Variants in FAM193A observed in about 807,000 individuals in gnomAD.
FAM193A encodes the protein protein FAM193A.
In FAM193A, 22 loss-of-function variants were observed where a neutral mutation model predicts 126.5. The observed-to-expected ratio is 0.17, with a 90% CI of 0.12 to 0.25. The LOEUF is 0.25. Among genes scored for constraint, FAM193A ranks in the 10% least tolerant of loss-of-function variants. The pLI, the probability that FAM193A is intolerant of heterozygous loss-of-function variation, is 1.00. For missense variants in FAM193A, 1,675 were observed against 1,672.8 expected, an observed-to-expected ratio of 1.00 and a Z score of -0.02; for synonymous variants, 761 against 646.8, an observed-to-expected ratio of 1.18 and a Z score of -2.68.
At chr4:2,653,958 A>G (rs1745921528) in intron 7 of FAM193A, among the ~76,000 whole-genome samples, 2 of 152,200 alleles carry the variant, frequency 1.3e-5, no homozygotes, top group South Asian at 2.1e-4. Context: ...TCAGTATGTC[A>G]GCAGGGCTAT....
intron 13 of FAM193A, among the ~76,000 whole-genome samples, chr4:2,680,971 T>G (rs958169234): frequency 1.4e-4 from 21 of 152,254 alleles, no homozygotes; most frequent in Admixed American, 3.3e-4. Flanking sequence ...ATACCTTTTA[T>G]GTTTTTTTCT....
intron 1 of FAM193A, among the ~76,000 whole-genome samples, chr4:2,545,584 T>C (rs1003394194): frequency 5.9e-5 from 9 of 152,188 alleles, no homozygotes; most frequent in Non-Finnish European, 1.0e-4. Flanking sequence ...TTGCTGGGTG[T>C]ACTTCGATTT....
chr4:2,620,721 C>T (rs1742489621), intron 2 of FAM193A, among the ~76,000 whole-genome samples: 1 of 143,146 alleles, frequency 7.0e-6, no homozygotes, highest in African/African-American at 2.5e-5. Flanking sequence ...TGGTGGTGGG[C>T]TCCCGTAATC....
chr4:2,562,921 C>G (rs1015164239), intron 1 of FAM193A, among the ~76,000 whole-genome samples: 3 of 151,600 alleles, frequency 2.0e-5, no homozygotes. Context: ...AGCCACCACA[C>G]CTGGCGATTT....
intron 1 of FAM193A, among the ~76,000 whole-genome samples, chr4:2,549,405 T>TG (rs985296956): frequency 7.0e-6 from 1 of 141,984 alleles, no homozygotes; most frequent in African/African-American, 2.6e-5. Flanking sequence ...CTTTTTTTTT[T>TG]TTTTTTTTTG....
chr4:2,717,364 A>C (rs1378873461), intron 20 of FAM193A, among the ~76,000 whole-genome samples: 1 of 152,140 alleles, frequency 6.6e-6, no homozygotes, highest in Non-Finnish European at 1.5e-5. Flanking sequence ...AGGCCAAGAC[A>C]GGCAGATCAC....
At chr4:2,669,634 G>A (rs1276002274) in intron 12 of FAM193A, among the ~76,000 whole-genome samples, 1 of 152,142 alleles carries the variant, frequency 6.6e-6, no homozygotes, top group African/African-American at 2.4e-5. Flanking sequence ...ATAATAAATA[G>A]AGTGGTTGTT....
chr4:2,552,135 C>T (rs751778228), intron 1 of FAM193A, among the ~76,000 whole-genome samples: 83 of 151,794 alleles, frequency 5.5e-4, no homozygotes, highest in Non-Finnish European at 5.6e-4. Context: ...CCTCAGCCTC[C>T]GGAGTAGCTG....
Position 2,701,806 on chromosome 4 carries a change from C to T in FAM193A, c.4372+1262C>T, listed in dbSNP as rs529771618. 5.6e-5 allele frequency among the ~76,000 whole-genome samples: 8 copies of T among 141,738 alleles called. No homozygotes were observed. The South Asian group carries it at 8.8e-4, about 16-fold the overall frequency. The allele number at this position is 141,738 out of a possible 152,430, so 93.0% of individuals were successfully genotyped here. ...TTTTTTTTTTTTTGAGATGGAGTTT[C>T]GCTCTTGTTGTCCAGGCTGGAGTGC... On this transcript the variant is annotated intron_variant, in intron 19 of 20. Coordinates refer to ENST00000637812, the MANE Select transcript of FAM193A (RefSeq NM_001366318.2).
At chr4:2,690,288 T>C (rs1716218066) in intron 14 of FAM193A, among the ~76,000 whole-genome samples, 2 of 152,186 alleles carry the variant, frequency 1.3e-5, no homozygotes, top group Non-Finnish European at 2.9e-5. Context: ...CCAGAGCTCC[T>C]GGCAGCCCCA....
rs535563673 is a variant in FAM193A, at chr4:2,627,080, C to G, written c.803+503C>G. ...TTCTCATGATGCCGCAGCCGTTCTT[C>G]AGCAGATACCTTATGCTCAGTAACC... On this transcript the variant is annotated intron_variant, in intron 4 of 20. Coordinates refer to ENST00000637812, the MANE Select transcript of FAM193A (RefSeq NM_001366318.2). Among the ~76,000 whole-genome samples, 8 of 151,984 alleles carry G rather than the reference C, an allele frequency of 5.3e-5. No homozygotes were observed. In the East Asian group the frequency reaches 1.5e-3, roughly 29 times the overall value.
At chr4:2,667,136 G>A (rs1713209775) in intron 12 of FAM193A, among the ~76,000 whole-genome samples, 1 of 152,168 alleles carries the variant, frequency 6.6e-6, no homozygotes. Context: ...TTTGAACTTT[G>A]TTCTTGTTGT....
chr4:2,602,587 A>T (rs1241538049), intron 2 of FAM193A, among the ~76,000 whole-genome samples: 1 of 151,998 alleles, frequency 6.6e-6, no homozygotes, highest in African/African-American at 2.4e-5. Flanking sequence ...TCCTGACCTC[A>T]GGTGATCCAC....
chr4:2,717,067 C>T (rs1719619773), intron 20 of FAM193A, among the ~76,000 whole-genome samples: 1 of 152,064 alleles, frequency 6.6e-6, no homozygotes, highest in African/African-American at 2.4e-5. Flanking sequence ...GCAATCCCCA[C>T]CTCCTACGTT....
chr4:2,636,575 G>A (rs996725713), intron 5 of FAM193A, among the ~76,000 whole-genome samples: 1 of 152,074 alleles, frequency 6.6e-6, no homozygotes, highest in African/African-American at 2.4e-5. Context: ...TCATTCATAG[G>A]TCATTTTGCA....
intron 1 of FAM193A, among the ~76,000 whole-genome samples, chr4:2,538,505 A>G (rs1737027174): frequency 6.6e-6 from 1 of 151,768 alleles, no homozygotes; most frequent in Non-Finnish European, 1.5e-5. Flanking sequence ...TTTTATTATT[A>G]TTATATTGTT....
chr4:2,660,730 A>G (rs377009835), intron 10 of FAM193A, among the ~76,000 whole-genome samples: 28 of 152,352 alleles, frequency 1.8e-4, no homozygotes, highest in African/African-American at 6.3e-4. Context: ...GACCTTGGCT[A>G]TGCAGCGTTT....
intron 1 of FAM193A, among the ~76,000 whole-genome samples, chr4:2,594,393 C>T (rs1287259189): frequency 2.6e-5 from 4 of 152,126 alleles, no homozygotes; most frequent in East Asian, 1.9e-4. Context: ...CAGGTCTAGC[C>T]GGCCTTGGAG....
intron 13 of FAM193A, among the ~76,000 whole-genome samples, chr4:2,687,578 A>T (rs1242541563): frequency 6.6e-6 from 1 of 152,198 alleles, no homozygotes; most frequent in Non-Finnish European, 1.5e-5. Context: ...CAGCAGTGGT[A>T]GCTCCTGGAC....
Sources: allele counts gnomAD v4.1 joint callset (sites outside exome capture counted in the v4.1 genomes callset), GRCh38; gene constraint gnomAD v4.1.1; transcripts MANE v1.5; gene names NCBI Gene and HGNC (gene_info 2026-07-23, HGNC 2026-07-21).